The following ZFAND3 variants were observed in gnomAD, a reference collection of about 807,000 sequenced individuals.
The protein encoded by ZFAND3 is AN1-type zinc finger protein 3.
Under a neutral mutation model 29.6 loss-of-function variants are expected in ZFAND3, and 10 were observed. That is an observed-to-expected ratio of 0.34 (90% confidence interval 0.21 to 0.57). ZFAND3 has a LOEUF of 0.57. Among genes scored for constraint, ZFAND3 ranks in the 20% least tolerant of loss-of-function variants. ZFAND3 has a pLI of 0.86. For synonymous variants in ZFAND3, 128 were observed against 112.6 expected, an observed-to-expected ratio of 1.14 and a Z score of -0.87; for missense variants, 230 against 304.5, an observed-to-expected ratio of 0.76 and a Z score of 1.82.
intron 5 of ZFAND3, among the ~76,000 whole-genome samples, chr6:38,150,355 T>G (rs1581963107): frequency 6.6e-6 from 1 of 152,176 alleles, no homozygotes; most frequent in East Asian, 1.9e-4. Context: ...TAATAATGTT[T>G]CCTCACACAA....
At chr6:37,962,164 TAAC>T (rs1487820622) in intron 2 of ZFAND3, among the ~76,000 whole-genome samples, 2 of 152,182 alleles carry the variant, frequency 1.3e-5, no homozygotes, top group African/African-American at 2.4e-5. Flanking sequence ...AAGATTGAAA[TAAC>T]AAGAATTAGG....
intron 2 of ZFAND3, among the ~76,000 whole-genome samples, chr6:37,970,747 TA>T (rs11352561): frequency 0.95 from 144,703 of 151,992 alleles, 69,217 homozygotes; most frequent in East Asian, 1. Context: ...ACTAAAAATA[TA>T]AAAAAAATTA....
At chr6:37,909,276 C>CTTTTTTTTTT (rs142698620) in intron 1 of ZFAND3, among the ~76,000 whole-genome samples, 3 of 139,888 alleles carry the variant, frequency 2.1e-5, no homozygotes, top group Non-Finnish European at 3.1e-5. Flanking sequence ...TTCTTTTTTT[C>CTTTTTTTTTT]TTTTTTTTTT....
chr6:38,092,727 C>T lies in ZFAND3; in HGVS notation c.361+10270C>T, dbSNP rs894196900. Among the ~76,000 whole-genome samples the T allele has an allele frequency of 3.3e-5, 5 of 152,236 alleles. No individual in the cohort carries two copies. The East Asian group carries it at 7.7e-4, about 23-fold the overall frequency. On this transcript the variant is annotated intron_variant, in intron 4 of 5. Transcript: ENST00000287218. ...ACTGAGATACAGCTCTGTTCAACTT[C>T]GAGTGCTCAACTTCACTAAATCACA...
intron 1 of ZFAND3, among the ~76,000 whole-genome samples, chr6:37,917,489 A>G (rs1286853914): frequency 6.6e-6 from 1 of 152,250 alleles, no homozygotes; most frequent in African/African-American, 2.4e-5. Context: ...GAAATATGAT[A>G]CACAAAAAGC....
intron 2 of ZFAND3, among the ~76,000 whole-genome samples, chr6:38,018,330 T>G (rs1357873696): frequency 6.6e-6 from 1 of 152,224 alleles, no homozygotes; most frequent in Non-Finnish European, 1.5e-5. Flanking sequence ...TTGTAATATA[T>G]CACAAGTGAT....
At chr6:37,931,748 G>A (rs1453633813) in intron 2 of ZFAND3, among the ~76,000 whole-genome samples, 1 of 151,908 alleles carries the variant, frequency 6.6e-6, no homozygotes, top group Non-Finnish European at 1.5e-5. Context: ...TTTTGTTGTT[G>A]TTAATTTTAA....
chr6:38,008,180 ATTAGAATAAATAGG>A (rs746810640), intron 2 of ZFAND3, among the ~76,000 whole-genome samples: 5 of 152,204 alleles, frequency 3.3e-5, no homozygotes, highest in Non-Finnish European at 5.9e-5. Context: ...AACCAGGATT[ATTAGAATAAATAGG>A]TTGTTGAGAA....
At chr6:38,065,328 GAAAGA>G (rs922070809) in intron 3 of ZFAND3, among the ~76,000 whole-genome samples, 6 of 150,572 alleles carry the variant, frequency 4.0e-5, no homozygotes, top group African/African-American at 9.8e-5. Context: ...AAAAAAAAAA[GAAAGA>G]AAAGAAAAGC....
chr6:37,916,729 C>T (rs746472485), intron 1 of ZFAND3, among the ~76,000 whole-genome samples: 15 of 152,172 alleles, frequency 9.9e-5, no homozygotes, highest in East Asian at 1.9e-4. Flanking sequence ...TTTCACATTT[C>T]GCAGTTTCTG....
At chr6:38,082,889 C>T (rs570027053) in intron 4 of ZFAND3, among the ~76,000 whole-genome samples, 4 of 152,084 alleles carry the variant, frequency 2.6e-5, no homozygotes, top group South Asian at 2.1e-4. Context: ...GATTTAAAGC[C>T]GTGGATATAC....
At chr6:38,036,988 A>G (rs1055342382) in intron 2 of ZFAND3, among the ~76,000 whole-genome samples, 3 of 152,194 alleles carry the variant, frequency 2.0e-5, no homozygotes, top group Admixed American at 6.5e-5. Context: ...TATCTTATAT[A>G]TCAGTACTTT....
chr6:38,013,348 C>T (rs1421992476), intron 2 of ZFAND3, among the ~76,000 whole-genome samples: 4 of 152,188 alleles, frequency 2.6e-5, no homozygotes, highest in African/African-American at 4.8e-5. Context: ...TAATGAATAT[C>T]TCACCTTCTT....
At chr6:38,106,537 G>A (rs1765213542) in intron 4 of ZFAND3, among the ~76,000 whole-genome samples, 1 of 152,166 alleles carries the variant, frequency 6.6e-6, no homozygotes, top group Non-Finnish European at 1.5e-5. Context: ...TACATGCCTG[G>A]AAATATAGTA....
intron 1 of ZFAND3, among the ~76,000 whole-genome samples, chr6:37,822,339 G>A (rs1763682247): frequency 6.6e-6 from 1 of 152,156 alleles, no homozygotes; most frequent in South Asian, 2.1e-4. Context: ...CGTGAAAAGT[G>A]TTCTTTTTGG....
At chr6:37,829,617 T>A (rs1315908020) in intron 1 of ZFAND3, among the ~76,000 whole-genome samples, 1 of 152,300 alleles carries the variant, frequency 6.6e-6, no homozygotes, top group East Asian at 1.9e-4. Context: ...TGTAGAAACT[T>A]TTAATTTTTT....
intron 1 of ZFAND3, among the ~76,000 whole-genome samples, chr6:37,855,589 T>TA (rs1764367585): frequency 6.6e-6 from 1 of 152,200 alleles, no homozygotes; most frequent in African/African-American, 2.4e-5. Context: ...GTTTTGATGT[T>TA]AGAGACTTTT....
intron 4 of ZFAND3, among the ~76,000 whole-genome samples, chr6:38,108,438 C>G (rs1028346098): frequency 1.3e-5 from 2 of 152,102 alleles, no homozygotes; most frequent in African/African-American, 4.8e-5. Context: ...AGTCCAAAAG[C>G]CCCCAAACAA....
At chr6:37,839,826 T>G (rs1764040162) in intron 1 of ZFAND3, among the ~76,000 whole-genome samples, 1 of 152,146 alleles carries the variant, frequency 6.6e-6, no homozygotes, top group South Asian at 2.1e-4. Flanking sequence ...AGTTGTAAAA[T>G]TTATGTATTC....
Sources: gnomAD v4.1 joint callset for allele counts (sites outside exome capture counted in the v4.1 genomes callset) on GRCh38, gnomAD v4.1.1 for gene constraint, MANE v1.5 for transcripts, NCBI Gene and HGNC (gene_info 2026-07-23, HGNC 2026-07-21) for gene names.